Variants in ANK3 observed in about 807,000 individuals in gnomAD.
ANK3 encodes ankyrin-3.
In ANK3, 57 loss-of-function variants were observed where a neutral mutation model predicts 370.9. The ratio of observed to expected loss-of-function variants is 0.15; its 90% CI spans 0.12 to 0.19. The LOEUF (loss-of-function observed/expected upper bound fraction) is 0.19. Among genes scored for constraint, ANK3 ranks in the 10% least tolerant of loss-of-function variants. ANK3 has a pLI of 1.00. For synonymous variants in ANK3, 1,929 were observed against 1,946.3 expected (o/e 0.99, Z 0.23); for missense variants, 4,439 against 5,302.1 (o/e 0.84, Z 5.06).
intron 2 of ANK3, among the ~76,000 whole-genome samples, chr10:60,519,175 A>G (rs1426158925): frequency 1.3e-5 from 2 of 152,150 alleles, no homozygotes; most frequent in Non-Finnish European, 2.9e-5. Context: ...CCTAGACCCA[A>G]TGCCCCGGGT....
intron 28 of ANK3, among the ~76,000 whole-genome samples, chr10:60,092,283 G>T (rs1431212790): frequency 1.3e-5 from 2 of 152,110 alleles, no homozygotes; most frequent in African/African-American, 4.8e-5. Flanking sequence ...TCAGACCTCC[G>T]ATACATACTG....
At position 60,572,707 on chromosome 10, in the gene ANK3, G is replaced by A. The variant is rs928665354; in HGVS notation, c.96+42479C>T. 6.1e-5 allele frequency: 86 copies of A among 1,411,360 alleles called. 1 individual carries two copies. Among genetic ancestry groups the A allele is most frequent in the African/African-American group, 8.7e-5 (6 of 69,070 alleles). The allele number at this position is 1,411,360 out of a possible 1,614,324, so 87.4% of individuals were successfully genotyped here. A position where few individuals can be genotyped will look rare whatever the true frequency, so the allele number is the denominator to read the frequency against. On this transcript the variant is annotated intron_variant, in intron 2 of 43. Transcript: ENST00000373827. ...TGTCAGAGAGACGCGGGCTGCTAATGTAGCCCTGTTCAGCTTTCCTCAGGA... is the reference window on the plus strand; with the variant it reads ...TGTCAGAGAGACGCGGGCTGCTAATATAGCCCTGTTCAGCTTTCCTCAGGA...
intron 1 of ANK3, among the ~76,000 whole-genome samples, chr10:60,321,931 C>A (rs896704842): frequency 6.6e-6 from 1 of 152,098 alleles, no homozygotes; most frequent in Admixed American, 6.6e-5. Flanking sequence ...AGAACTCTTG[C>A]GGTGGGGGGT....
chr10:60,634,777 G>A (rs2078530624), intron 1 of ANK3, among the ~76,000 whole-genome samples: 1 of 151,816 alleles, frequency 6.6e-6, no homozygotes, highest in Non-Finnish European at 1.5e-5. Context: ...TGAAGCCAGC[G>A]AGACCGCGAA....
Position 60,082,736 on chromosome 10 carries a change from A to G in ANK3, c.4202T>C (p.Ile1401Thr), listed in dbSNP as rs369947708. Reference protein sequence around the residue: ...KENRLPFSIKIRDTSQEPCGR... With the variant: ...KENRLPFSIKTRDTSQEPCGR... ...ACAGGGCTCTTGGCTGGTGTCTCTA[A>G]TCTAGAAGAATTTTGGTAGTTGATG... Residue 1401 changes from isoleucine (I) to threonine (T), a missense_variant and splice_region_variant, in exon 34 of 44, where the codon ATT (isoleucine) becomes ACT (threonine). Ile to Thr is a moderately conservative substitution (Grantham distance 89, BLOSUM62 -1). Around this residue, in one of 13 missense-constraint regions of ANK3, gnomAD observed 702 missense variants for 941.5 expected, o/e 0.75. Coordinates refer to ENST00000280772, the MANE Select transcript of ANK3 (RefSeq NM_020987.5). The G allele has an allele frequency of 1.1e-5, 18 of 1,610,552 alleles. No individual in the cohort carries two copies. In the African/African-American group the frequency reaches 2.3e-4, roughly 20 times the overall value.
At chr10:60,238,999 A>G (rs1010640716) in intron 7 of ANK3, among the ~76,000 whole-genome samples, 3 of 152,214 alleles carry the variant, frequency 2.0e-5, no homozygotes, top group African/African-American at 4.8e-5. Context: ...TTGCAATATC[A>G]GAGTAAATTG....
At chr10:60,394,346 CTG>C (rs561381144), upstream of ANK3, among the ~76,000 whole-genome samples, 408 of 152,170 alleles carry the variant, frequency 2.7e-3, 2 homozygotes, top group African/African-American at 9.1e-3. Context: ...TCTTAAAAAA[CTG>C]TGACTGGATA....
At chr10:60,662,274 T>C (rs1171865464) in intron 1 of ANK3, among the ~76,000 whole-genome samples, 2 of 152,172 alleles carry the variant, frequency 1.3e-5, no homozygotes, top group African/African-American at 4.8e-5. Flanking sequence ...CACTGATATA[T>C]TGTGATCTGA....
chr10:60,210,171 T>C (rs1338176369), intron 9 of ANK3, among the ~76,000 whole-genome samples: 1 of 152,162 alleles, frequency 6.6e-6, no homozygotes, highest in African/African-American at 2.4e-5. Flanking sequence ...CTTGTGGGTA[T>C]TGCACTCAAC....
In ANK3 at chr10:60,075,887, G is replaced by A; in HGVS notation, c.4994C>T (p.Thr1665Ile). The A allele has an allele frequency of 7.4e-6, 12 of 1,614,158 alleles. No homozygotes were observed. Among genetic ancestry groups the A allele is most frequent in the South Asian group, 1.1e-5 (1 of 91,088 alleles). The change falls in exon 37 of 44, where the codon ACA becomes ATA. Residue 1665 changes from threonine (T) to isoleucine (I), a missense_variant. Coordinates refer to ENST00000280772, the MANE Select transcript of ANK3 (RefSeq NM_020987.5). ...TGAAGATATTAGCGGTGCTGCTGAT[G>A]TAATAATTGACTTAAATGGCAAACT... ...SSSLPFKSII[T>I]SAAPLISSPL...
intron 25 of ANK3, among the ~76,000 whole-genome samples, chr10:60,127,558 TTTAAAGGAAGATAAAC>T (rs1240798744): frequency 6.6e-6 from 1 of 152,196 alleles, no homozygotes; most frequent in Non-Finnish European, 1.5e-5. Context: ...TCTGGTGTCA[TTTAAAGGAAGATAAAC>T]TAATTGGTTA....
intron 25 of ANK3, among the ~76,000 whole-genome samples, chr10:60,130,986 A>G (rs987694242): frequency 2.0e-5 from 3 of 152,234 alleles, no homozygotes; most frequent in Admixed American, 6.5e-5. Context: ...AACAATTAAC[A>G]TTGCTATATT....
At chr10:60,665,958 G>A (rs1588994947) in intron 1 of ANK3, among the ~76,000 whole-genome samples, 1 of 152,168 alleles carries the variant, frequency 6.6e-6, no homozygotes, top group South Asian at 2.1e-4. Flanking sequence ...ATGTGCTATT[G>A]GTCGAAATGT....
intron 2 of ANK3, among the ~76,000 whole-genome samples, chr10:60,570,463 A>AATG (rs1233857635): frequency 1.3e-5 from 2 of 152,218 alleles, no homozygotes; most frequent in African/African-American, 4.8e-5. Context: ...CTGGCACAGA[A>AATG]ATGCATTCTC....
intron 1 of ANK3, among the ~76,000 whole-genome samples, chr10:60,336,860 C>A (rs1233054911): frequency 1.3e-5 from 2 of 152,074 alleles, no homozygotes; most frequent in African/African-American, 4.8e-5. Flanking sequence ...GAGAAGGACT[C>A]GTCCCTCGGA....
intron 2 of ANK3, among the ~76,000 whole-genome samples, chr10:60,539,240 C>G (rs1196399046): frequency 1.3e-5 from 2 of 152,012 alleles, no homozygotes; most frequent in South Asian, 2.1e-4. Flanking sequence ...AAATTTCATG[C>G]ATATAAAATT....
At chr10:60,488,253 T>C (rs900818158) in intron 2 of ANK3, among the ~76,000 whole-genome samples, 3 of 152,190 alleles carry the variant, frequency 2.0e-5, no homozygotes, top group Admixed American at 6.5e-5. Flanking sequence ...GAAAAATCCC[T>C]TAGGCCAAGT....
At chr10:60,349,130 GC>G (rs2056354857) in intron 1 of ANK3, among the ~76,000 whole-genome samples, 1 of 152,164 alleles carries the variant, frequency 6.6e-6, no homozygotes, top group Non-Finnish European at 1.5e-5. Context: ...AGCAACAGCT[GC>G]TTGAAGGAGA....
At chr10:60,140,452 G>A (rs1214321837) in intron 23 of ANK3, 1 of 1,610,062 alleles carries the variant, frequency 6.2e-7, no homozygotes, top group South Asian at 1.1e-5. Flanking sequence ...CTCCAAAACA[G>A]CTCAAGGAAA....
Sources: allele counts gnomAD v4.1 joint callset (sites outside exome capture counted in the v4.1 genomes callset), GRCh38; gene constraint gnomAD v4.1.1; regional missense constraint gnomAD v4.1.1; transcripts MANE v1.5; gene names NCBI Gene and HGNC (gene_info 2026-07-23, HGNC 2026-07-21).